DBT: variants seen among roughly 807,000 people sequenced by gnomAD.
The protein encoded by DBT is dihydrolipoamide branched chain transacylase E2.
Under a neutral mutation model 51.3 loss-of-function variants are expected in DBT, and 40 were observed. That is an observed-to-expected ratio of 0.78 (90% CI 0.61 to 1.02). The LOEUF (loss-of-function observed/expected upper bound fraction) is 1.02, where lower values mean the gene tolerates loss of function less well. Among genes scored for constraint, DBT ranks in the 50% least tolerant of loss-of-function variants. The pLI is 0.00. For synonymous variants in DBT, 181 were observed against 190.4 expected (o/e 0.95, Z 0.41); for missense variants, 510 against 580.2 (o/e 0.88, Z 1.24).
intron 1 of DBT, among the ~76,000 whole-genome samples, chr1:100,241,366 TTGTGTGTGTG>T (rs58256713): frequency 0.035 from 5,034 of 143,408 alleles, 154 homozygotes; most frequent in African/African-American, 0.082. Context: ...CTGAAAGGTA[TTGTGTGTGTG>T]TGTGTGTGTG....
chr1:100,238,014 A>G (rs1663983970), intron 2 of DBT, among the ~76,000 whole-genome samples: 1 of 152,152 alleles, frequency 6.6e-6, no homozygotes. Flanking sequence ...AGAAAAATGT[A>G]AGATGTAAAA....
At position 100,190,370 on chromosome 1, in the gene DBT, C is replaced by T. The variant is rs1032263158; in HGVS notation, c.*5885G>A. ...GGCCTACATTACTTCAACCCATATA[C>T]CCATATTCTAATAGTTACAAATAAA... On this transcript the variant is annotated 3_prime_UTR_variant, in exon 11 of 11. Transcript: ENST00000370132. 1 of 152,192 alleles carries T rather than the reference C, an allele frequency of 6.6e-6. No homozygotes were observed. The highest frequency in any genetic ancestry group is 2.4e-5 in the African/African-American group (1 of 41,442). 9.4% of individuals were successfully genotyped at this position (152,192 alleles called of 1,614,324 possible). A position where few individuals can be genotyped will look rare whatever the true frequency, so the allele number is the denominator to read the frequency against.
rs2100844690 is a variant in DBT, at chr1:100,240,821, AAC to A, written c.113_114del (p.Cys38PhefsTer10). 1 of 1,609,774 alleles carries A rather than the reference AAC, an allele frequency of 6.2e-7. No individual in the cohort carries two copies. Among genetic ancestry groups the A allele is most frequent in the Non-Finnish European group, 8.5e-7 (1 of 1,176,252 alleles). The stretch of plus-strand genomic sequence containing the variant: ...TACTTGAATGAAGGATAACCAAAGA[AAC>A]ACACATAATTTGGCTTCAAAACATG... ...NVHVLKPNYV[C>X]FFGYPSFKYS... On this transcript the variant is annotated frameshift_variant, in exon 2 of 11. Coordinates refer to ENST00000370132, the MANE Select transcript of DBT (RefSeq NM_001918.5). LOFTEE classifies it high-confidence loss of function.
chr1:100,199,940 G>T (rs1661343918), intron 10 of DBT, among the ~76,000 whole-genome samples: 1 of 151,970 alleles, frequency 6.6e-6, no homozygotes, highest in Non-Finnish European at 1.5e-5. Flanking sequence ...CTCCACAAGG[G>T]CCCTGAGTTT....
rs1660652974 is a variant in DBT, at chr1:100,188,105, A to C, written c.*8150T>G. The C allele has an allele frequency of 2.0e-5, 3 of 152,236 alleles. No individual in the cohort carries two copies. Among genetic ancestry groups the C allele is most frequent in the African/African-American group, 7.2e-5 (3 of 41,456 alleles). 9.4% of individuals were successfully genotyped at this position (152,236 alleles called of 1,614,324 possible). A position where few individuals can be genotyped will look rare whatever the true frequency, so the allele number is the denominator to read the frequency against. ...CAGGCCCTTCTAATCTTATGCCAGC[A>C]ACACAATGGGATCGAGGCCAGGTTC... On this transcript the variant is annotated 3_prime_UTR_variant, in exon 11 of 11. Coordinates refer to ENST00000370132, the MANE Select transcript of DBT (RefSeq NM_001918.5).
intron 2 of DBT, among the ~76,000 whole-genome samples, chr1:100,237,383 C>T (rs1227593366): frequency 6.6e-6 from 1 of 152,216 alleles, no homozygotes; most frequent in Non-Finnish European, 1.5e-5. Flanking sequence ...CCCAGCCAAC[C>T]TGCAGAATCC....
In DBT at chr1:100,196,573, T is replaced by C. The variant is rs182691937; in HGVS notation, c.1282-151A>G. Reference sequence around the variant, plus strand: ...AAAAAATGGGCATCCCCAATGACTTTTGAAAATGCTGATTCCTACTCTTCC... The same window carrying C: ...AAAAAATGGGCATCCCCAATGACTTCTGAAAATGCTGATTCCTACTCTTCC... On this transcript the variant is annotated intron_variant, in intron 10 of 10. Transcript: ENST00000370132. The C allele has an allele frequency of 2.5e-6, 3 of 1,214,952 alleles. No individual in the cohort carries two copies. In the Admixed American group the frequency reaches 8.1e-5, roughly 33 times the overall value. 75.3% of individuals were successfully genotyped at this position (1,214,952 alleles called of 1,614,324 possible).
At chr1:100,227,211 C>T (rs1247950966) in intron 4 of DBT, among the ~76,000 whole-genome samples, 3 of 152,220 alleles carry the variant, frequency 2.0e-5, no homozygotes, top group Admixed American at 1.3e-4. Context: ...GTTGTATATG[C>T]AGTCTGTTGT....
At chr1:100,200,274 G>A (rs560720361) in intron 10 of DBT, among the ~76,000 whole-genome samples, 3 of 152,292 alleles carry the variant, frequency 2.0e-5, no homozygotes, top group South Asian at 2.1e-4. Flanking sequence ...CCCTCACAGT[G>A]TAAATAAAGC....
At chr1:100,217,209 G>A (rs1238728841) in intron 5 of DBT, among the ~76,000 whole-genome samples, 1 of 152,066 alleles carries the variant, frequency 6.6e-6, no homozygotes, top group Non-Finnish European at 1.5e-5. Context: ...TCTTTAGGGA[G>A]TGTTTTAGGA....
Position 100,206,569 on chromosome 1 carries a change from A to C in DBT, c.1085T>G (p.Val362Gly). 6.2e-7 allele frequency: 1 copy of C among 1,612,152 alleles called. No individual in the cohort carries two copies. The highest frequency in any genetic ancestry group is 1.7e-5 in the Admixed American group (1 of 60,012). The change falls in exon 9 of 11, where the codon GTT (valine) becomes GGT (glycine). Residue 362 changes from valine to glycine, a missense_variant. Physicochemically the swap from Val to Gly is moderately radical, Grantham distance 109. Transcript: ENST00000370132. The part of the protein sequence containing the change: ...QGLIVPNVKN[V>G]QICSIFDIAT... The stretch of plus-strand genomic sequence containing the variant: ...GATGTCAAATATAGAGCAGATCTGA[A>C]CATTTTTCACATTAGGGACAATCAA...
At chr1:100,240,910 A>G (rs1664176066) in intron 1 of DBT, 26 bp from the exon 2 acceptor site, 1 of 1,609,292 alleles carries the variant, frequency 6.2e-7, no homozygotes. Context: ...CAAAAAGTAA[A>G]AGCATTTATA....
At chr1:100,249,120 A>T in intron 1 of DBT, 1 of 987,742 alleles carries the variant, frequency 1.0e-6, no homozygotes, top group Non-Finnish European at 1.2e-6. Context: ...AAGAAGAAAC[A>T]CTAAGCAAAT....
At chr1:100,230,298 C>T (rs533477483) in intron 4 of DBT, among the ~76,000 whole-genome samples, 16 of 152,262 alleles carry the variant, frequency 1.1e-4, no homozygotes, top group Admixed American at 2.6e-4. Context: ...TTCCTGATTT[C>T]GGCTTCTAAA....
chr1:100,232,837 G>C lies in DBT; in HGVS notation c.252-1923C>G, dbSNP rs868149978. On this transcript the variant is annotated intron_variant, in intron 3 of 10. Coordinates refer to ENST00000370132, the MANE Select transcript of DBT (RefSeq NM_001918.5). ...ACAGAAATAGCAAAAGGAAGGAAGA[G>C]ACAATAGAGCTATATTGGAGCAGAG... Among the ~76,000 whole-genome samples the C allele has an allele frequency of 4.6e-5, 7 of 152,256 alleles. No individual in the cohort carries two copies. In the South Asian group the frequency reaches 8.3e-4, roughly 18 times the overall value.
At chr1:100,228,668 G>C (rs1663354392) in intron 4 of DBT, among the ~76,000 whole-genome samples, 1 of 152,186 alleles carries the variant, frequency 6.6e-6, no homozygotes, top group Non-Finnish European at 1.5e-5. Context: ...GCTGAGATGG[G>C]AGAGTCGCTT....
chr1:100,248,031 G>A (rs1210813264), intron 1 of DBT, among the ~76,000 whole-genome samples: 1 of 151,746 alleles, frequency 6.6e-6, no homozygotes, highest in Non-Finnish European at 1.5e-5. Flanking sequence ...GAAACTGGGA[G>A]GCAGGGGTTG....
chr1:100,243,399 C>T (rs545475471), intron 1 of DBT, among the ~76,000 whole-genome samples: 1 of 151,650 alleles, frequency 6.6e-6, no homozygotes, highest in South Asian at 2.1e-4. Context: ...ACTGCAACCT[C>T]CGCCTCCCAG....
chr1:100,230,629 G>A (rs367628439), intron 4 of DBT, 104 bp downstream of exon 4: 15 of 534,654 alleles, frequency 2.8e-5, no homozygotes, highest in South Asian at 8.6e-5. Flanking sequence ...AATAGGAATA[G>A]AAAAAAAAAA....
Sources: gnomAD v4.1 joint callset for allele counts (sites outside exome capture counted in the v4.1 genomes callset) on GRCh38, gnomAD v4.1.1 for gene constraint, MANE v1.5 for transcripts, NCBI Gene and HGNC (gene_info 2026-07-23, HGNC 2026-07-21) for gene names.